The following RAVER1 variants were observed in gnomAD, a reference collection of about 807,000 sequenced individuals.
RAVER1 encodes the protein ribonucleoprotein, PTB binding 1.
A neutral mutation model predicts 68.4 loss-of-function variants in RAVER1; 36 were observed. The observed-to-expected ratio is 0.53, with a 90% CI of 0.40 to 0.70. The LOEUF (loss-of-function observed/expected upper bound fraction) is 0.70, where lower values mean the gene tolerates loss of function less well. Among genes scored for constraint, RAVER1 ranks in the 30% least tolerant of loss-of-function variants. The pLI is 0.00. For missense variants in RAVER1, 933 were observed against 1,019.8 expected (o/e 0.91, Z 1.16); for synonymous variants, 469 against 472.7 (o/e 0.99, Z 0.10).
Position 10,321,173 on chromosome 19 carries a change from G to A in RAVER1, c.1348C>T (p.Arg450Trp), listed in dbSNP as rs924523000. The change falls in exon 8 of 13, where the codon CGG (arginine) becomes TGG (tryptophan). Residue 450 changes from arginine to tryptophan, a missense_variant. Physicochemically the swap from Arg to Trp is moderately radical, Grantham distance 101. Around this residue, in one of 3 missense-constraint regions of RAVER1, gnomAD observed 699 missense variants for 731.1 expected, o/e 0.96. Coordinates refer to ENST00000617231, the MANE Select transcript of RAVER1 (RefSeq NM_133452.3). ...PSVLGPAGGD[R>W]EALGLGPPAA... ...GGGGGACCCAAGCCCAGGGCCTCCC[G>A]GTCACCCCCAGCAGGGCCAAGCACG... 23 of 1,289,258 alleles carry A rather than the reference G, an allele frequency of 1.8e-5. No individual in the cohort carries two copies. Among genetic ancestry groups the A allele is most frequent in the Middle Eastern group, 2.9e-4 (1 of 3,494 alleles). 79.9% of individuals were successfully genotyped at this position (1,289,258 alleles called of 1,614,324 possible).
Position 10,323,237 on chromosome 19 carries a change from T to C in RAVER1, c.986A>G (p.Asn329Ser), listed in dbSNP as rs201280904. The C allele has an allele frequency of 3.4e-5, 55 of 1,613,170 alleles. No homozygotes were observed. In the African/African-American group the frequency reaches 5.9e-4, roughly 17 times the overall value. ...NRGKGLLPEP[N>S]ILQLLNNLGP... ...CAGGTTGTTGAGCAGCTGCAGGATGTTGGGCTCGGGGAGGAGTCCCTTCCC... is the reference window on the plus strand; with the variant it reads ...CAGGTTGTTGAGCAGCTGCAGGATGCTGGGCTCGGGGAGGAGTCCCTTCCC... Residue 329 changes from asparagine to serine, a missense_variant, in exon 5 of 13, where the codon AAC becomes AGC. Transcript: ENST00000617231. This position sits in a 1 kb window ranked among gnomAD's most constrained non-coding sequence, Gnocchi z 6.2.
chr19:10,330,055 G>A (rs532908585), intron 2 of RAVER1, among the ~76,000 whole-genome samples: 2 of 151,866 alleles, frequency 1.3e-5, no homozygotes, highest in Non-Finnish European at 2.9e-5. Flanking sequence ...CCCAGGAGGC[G>A]GAGGTTGCAG....
intron 1 of RAVER1, among the ~76,000 whole-genome samples, chr19:10,331,378 AAAAAAT>A: frequency 1.5e-5 from 2 of 130,022 alleles, no homozygotes; most frequent in African/African-American, 5.8e-5. Context: ...AAAAAAAAAA[AAAAAAT>A]AACAACAACA....
At chr19:10,330,646 A>G (rs934409477) in intron 1 of RAVER1, 120 bp from the exon 2 acceptor site, 8 of 622,178 alleles carry the variant, frequency 1.3e-5, no homozygotes, top group South Asian at 3.7e-5. Flanking sequence ...CATTTTACCA[A>G]TGAGGAAACT....
chr19:10,321,304 C>A, intron 7 of RAVER1, 45 bp from the exon 8 acceptor site: 1 of 1,056,552 alleles, frequency 9.5e-7, no homozygotes, highest in Non-Finnish European at 1.2e-6. Flanking sequence ...TCACAGGACC[C>A]CTCTCCCCAG....
In RAVER1 at chr19:10,333,439, G is replaced by A. The variant is rs1286863545; in HGVS notation, c.69C>T (p.Ala23=). The A allele has an allele frequency of 6.2e-7, 1 of 1,613,094 alleles. No homozygotes were observed. The highest frequency in any genetic ancestry group is 1.1e-5 in the South Asian group (1 of 91,082). The change falls in exon 1 of 13, where the codon GCC becomes GCT. Residue 23 remains alanine, a synonymous_variant. Coordinates refer to ENST00000617231, the MANE Select transcript of RAVER1 (RefSeq NM_133452.3). The surrounding 1 kb of genome is among the most constrained non-coding windows in gnomAD (Gnocchi z 4.2). ...LSPKSGAEVE[A]GDAAERRAPE... Reference sequence around the variant, plus strand: ...GCGCCCGGCGCTCCGCGGCATCGCCGGCTTCGACTTCGGCCCCAGACTTAG... The same window carrying A: ...GCGCCCGGCGCTCCGCGGCATCGCCAGCTTCGACTTCGGCCCCAGACTTAG...
At chr19:10,318,763 C>T (rs745719331) in intron 10 of RAVER1, among the ~76,000 whole-genome samples, 9 of 152,190 alleles carry the variant, frequency 5.9e-5, no homozygotes, top group African/African-American at 1.2e-4. Context: ...GGATCATCAC[C>T]GCACGAATGG....
chr19:10,322,464 T>C lies in RAVER1; in HGVS notation c.1173+181A>G, dbSNP rs899013834. On this transcript the variant is annotated intron_variant, in intron 6 of 12. Coordinates refer to ENST00000617231, the MANE Select transcript of RAVER1 (RefSeq NM_133452.3). This position sits in a 1 kb window ranked among gnomAD's most constrained non-coding sequence, Gnocchi z 4.3. ...AAAGATGGCGAACCATCATGAGCAA[T>C]TGCCAGAGGGGGATGGGGATGTGGG... 2.1e-5 allele frequency: 11 copies of C among 530,008 alleles called. No individual in the cohort carries two copies. Among genetic ancestry groups the C allele is most frequent in the African/African-American group, 1.6e-4 (8 of 49,390 alleles). 32.8% of individuals were successfully genotyped at this position (530,008 alleles called of 1,614,324 possible).
At chr19:10,325,300 C>T (rs1490488846) in intron 3 of RAVER1, among the ~76,000 whole-genome samples, 1 of 152,176 alleles carries the variant, frequency 6.6e-6, no homozygotes, top group Non-Finnish European at 1.5e-5. Context: ...TCTTGGCTCA[C>T]CACAACCTCT....
intron 3 of RAVER1, among the ~76,000 whole-genome samples, chr19:10,326,129 G>A (rs964731604): frequency 1.2e-4 from 19 of 152,010 alleles, no homozygotes; most frequent in Non-Finnish European, 1.9e-4. Context: ...GGTGTCAGGC[G>A]CTGTCATCCC....
chr19:10,328,662 G>A lies in RAVER1; in HGVS notation c.736C>T (p.His246Tyr), dbSNP rs1231325935. Residue 246 changes from histidine (H) to tyrosine (Y), a missense_variant, in exon 3 of 13, where the codon CAC (histidine) becomes TAC (tyrosine). Around this residue, in one of 3 missense-constraint regions of RAVER1, gnomAD observed 699 missense variants for 731.1 expected, o/e 0.96. Transcript: ENST00000617231. This position sits in a 1 kb window ranked among gnomAD's most constrained non-coding sequence, Gnocchi z 4.4. Reference protein sequence around the residue: ...DALCRALSAVHSPTFCQLACG... With the variant: ...DALCRALSAVYSPTFCQLACG... The stretch of plus-strand genomic sequence containing the variant: ...CTCACCTGGCAGAAGGTGGGGCTGT[G>A]GACAGCTGACAGCGCCCGGCACAGA... 2 of 1,568,088 alleles carry A rather than the reference G, an allele frequency of 1.3e-6. No homozygotes were observed. The highest frequency in any genetic ancestry group is 4.7e-5 in the East Asian group (2 of 42,228).
intron 10 of RAVER1, 26 bp from the exon 11 acceptor site, chr19:10,318,398 A>C: frequency 6.4e-7 from 1 of 1,570,222 alleles, no homozygotes; most frequent in East Asian, 2.3e-5. Flanking sequence ...CGGTGGAGTG[A>C]AGCAGACAAT....
In RAVER1 at chr19:10,316,647, C is replaced by T. The variant is rs949665211; in HGVS notation, c.*807G>A. On this transcript the variant is annotated 3_prime_UTR_variant, in exon 13 of 13. Transcript: ENST00000617231. Reference sequence around the variant, plus strand: ...GTAGGAGGGGGTGGTGGGGCCGGTTCGCCAAGATGAAGGCTTTCCCCTTCT... The same window carrying T: ...GTAGGAGGGGGTGGTGGGGCCGGTTTGCCAAGATGAAGGCTTTCCCCTTCT... 7 of 866,456 alleles carry T rather than the reference C, an allele frequency of 8.1e-6. No homozygotes were observed. The East Asian group carries it at 4.8e-4, about 59-fold the overall frequency. The allele number at this position is 866,456 out of a possible 1,614,324, so 53.7% of individuals were successfully genotyped here.
Position 10,323,034 on chromosome 19 carries a change from A to T in RAVER1, c.1078+111T>A. On this transcript the variant is annotated intron_variant, in intron 5 of 12. Transcript: ENST00000617231. The surrounding 1 kb of genome is among the most constrained non-coding windows in gnomAD (Gnocchi z 6.2). Reference sequence around the variant, plus strand: ...TGACTCCATACTCCCCCTCGGCCCTACTCCTGGGGCTCCTGTCACTGCAGC... The same window carrying T: ...TGACTCCATACTCCCCCTCGGCCCTTCTCCTGGGGCTCCTGTCACTGCAGC... The T allele has an allele frequency of 1.1e-6, 1 of 937,278 alleles. No individual in the cohort carries two copies. The highest frequency in any genetic ancestry group is 1.6e-6 in the Non-Finnish European group (1 of 637,228). 58.1% of individuals were successfully genotyped at this position (937,278 alleles called of 1,614,324 possible).
At position 10,317,849 on chromosome 19, in the gene RAVER1, GC is replaced by G; in HGVS notation, c.1990-77del. 1.2e-6 allele frequency: 1 copy of G among 814,426 alleles called. No individual in the cohort carries two copies. The highest frequency in any genetic ancestry group is 1.5e-5 in the South Asian group (1 of 67,648). The allele number at this position is 814,426 out of a possible 1,614,324, so 50.4% of individuals were successfully genotyped here. A position where few individuals can be genotyped will look rare whatever the true frequency, so the allele number is the denominator to read the frequency against. On this transcript the variant is annotated intron_variant, in intron 11 of 12. Transcript: ENST00000617231. This position sits in a 1 kb window ranked among gnomAD's most constrained non-coding sequence, Gnocchi z 4.3. Reference sequence around the variant, plus strand: ...GCACCCACCCCGCCCCCCTGCCACTGCCCCCCAGCCCTGAGGGAAAGCGAAC... The same window carrying G: ...GCACCCACCCCGCCCCCCTGCCACTGCCCCCAGCCCTGAGGGAAAGCGAAC...
chr19:10,326,114 G>A lies in RAVER1; in HGVS notation c.756+2528C>T, dbSNP rs188632153. Among the ~76,000 whole-genome samples the A allele has an allele frequency of 4.8e-3, 732 of 152,154 alleles. 5 individuals carry two copies. Among genetic ancestry groups the A allele is most frequent in the African/African-American group, 0.017 (704 of 41,524 alleles). On this transcript the variant is annotated intron_variant, in intron 3 of 12. Transcript: ENST00000617231. ...CTATTAAAAACACAAAAATTAGCTGGGTGTGGTGTCAGGCGCTGTCATCCC... is the reference window on the plus strand; with the variant it reads ...CTATTAAAAACACAAAAATTAGCTGAGTGTGGTGTCAGGCGCTGTCATCCC...
In RAVER1 at chr19:10,322,724, G is replaced by A. The variant is rs761928747; in HGVS notation, c.1094C>T (p.Pro365Leu). The change falls in exon 6 of 13, where the codon CCC (proline) becomes CTC (leucine). Residue 365 changes from proline (P) to leucine (L), a missense_variant. Around this residue, in one of 3 missense-constraint regions of RAVER1, gnomAD observed 699 missense variants for 731.1 expected, o/e 0.96. Transcript: ENST00000617231. The surrounding 1 kb of genome is among the most constrained non-coding windows in gnomAD (Gnocchi z 4.3). Reference protein sequence around the residue: ...AGGKQGLLGAPPAMPLLNGPA... With the variant: ...AGGKQGLLGALPAMPLLNGPA... ...CCCATTGAGCAGCGGCATGGCTGGG[G>A]GGGCACCCAGGAGGCCTGGAGGGAG... 6.6e-7 allele frequency: 1 copy of A among 1,511,292 alleles called. No individual in the cohort carries two copies. The highest frequency in any genetic ancestry group is 1.3e-5 in the South Asian group (1 of 74,434). 93.6% of individuals were successfully genotyped at this position (1,511,292 alleles called of 1,614,324 possible).
At chr19:10,325,052 G>C (rs1489124212) in intron 3 of RAVER1, among the ~76,000 whole-genome samples, 1 of 150,644 alleles carries the variant, frequency 6.6e-6, no homozygotes, top group African/African-American at 2.4e-5. Flanking sequence ...AGGGAGTCTC[G>C]CTCTGTTGCC....
Position 10,321,528 on chromosome 19 carries a change from T to C in RAVER1, c.1261+3A>G. The C allele has an allele frequency of 7.4e-7, 1 of 1,355,980 alleles. No homozygotes were observed. Among genetic ancestry groups the C allele is most frequent in the South Asian group, 2.3e-5 (1 of 43,522 alleles). The allele number at this position is 1,355,980 out of a possible 1,614,324, so 84.0% of individuals were successfully genotyped here. A position where few individuals can be genotyped will look rare whatever the true frequency, so the allele number is the denominator to read the frequency against. The stretch of plus-strand genomic sequence containing the variant: ...GACACCGTGTGGGCAGGGTCTGCGT[T>C]ACCTGCAGGCAGCTCCCCGAGGAGG... On this transcript the variant is annotated splice_donor_region_variant and intron_variant, in intron 7 of 12. Transcript: ENST00000617231.
Sources: allele counts gnomAD v4.1 joint callset (sites outside exome capture counted in the v4.1 genomes callset), GRCh38; gene constraint gnomAD v4.1.1; regional missense constraint gnomAD v4.1.1; non-coding constraint Gnocchi (gnomAD v3.1); transcripts MANE v1.5; gene names NCBI Gene and HGNC (gene_info 2026-07-23, HGNC 2026-07-21).